Variants in AGPAT5 observed in about 807,000 individuals in gnomAD.
The protein encoded by AGPAT5 is 1-acyl-sn-glycerol-3-phosphate acyltransferase epsilon.
A neutral mutation model predicts 45.6 loss-of-function variants in AGPAT5; 46 were observed. The ratio of observed to expected loss-of-function variants is 1.01; its 90% CI spans 0.80 to 1.29. The LOEUF (loss-of-function observed/expected upper bound fraction) is 1.29, where lower values mean the gene tolerates loss of function less well. Ranked by LOEUF, AGPAT5 falls within the 50% of genes most tolerant of loss-of-function variation. The pLI, the probability that AGPAT5 is intolerant of heterozygous loss-of-function variation, is 0.00. For missense variants in AGPAT5, 673 were observed against 450.7 expected, an observed-to-expected ratio of 1.49 and a Z score of -4.47; for synonymous variants, 272 against 167.0, an observed-to-expected ratio of 1.63 and a Z score of -4.85.
intron 1 of AGPAT5, among the ~76,000 whole-genome samples, chr8:6,719,632 A>G (rs752591489): frequency 4.6e-5 from 7 of 152,214 alleles, no homozygotes; most frequent in Non-Finnish European, 1.0e-4. Context: ...AATCATCACT[A>G]TTACAGGACA....
At chr8:6,715,863 C>G (rs910597681) in intron 1 of AGPAT5, among the ~76,000 whole-genome samples, 2 of 152,016 alleles carry the variant, frequency 1.3e-5, no homozygotes, top group Non-Finnish European at 2.9e-5. Flanking sequence ...TTTGAACATG[C>G]GTAATTAACA....
rs114139983 is a variant in AGPAT5, at chr8:6,750,094, C to G, written c.745+2266C>G. Among the ~76,000 whole-genome samples, 264 of 152,330 alleles carry G rather than the reference C, an allele frequency of 1.7e-3. 1 individual carries two copies. Among genetic ancestry groups the G allele is most frequent in the African/African-American group, 6.2e-3 (257 of 41,568 alleles). On this transcript the variant is annotated intron_variant, in intron 6 of 7. Transcript: ENST00000285518. Reference sequence around the variant, plus strand: ...CACCCTCTCTTTTGTTGCCCTCATCCAAGGCTACTGTTCTCCCACAGTGAC... The same window carrying G: ...CACCCTCTCTTTTGTTGCCCTCATCGAAGGCTACTGTTCTCCCACAGTGAC...
At chr8:6,714,064 A>G (rs1310218239) in intron 1 of AGPAT5, among the ~76,000 whole-genome samples, 2 of 152,210 alleles carry the variant, frequency 1.3e-5, no homozygotes, top group African/African-American at 4.8e-5. Flanking sequence ...TAAGTCATCT[A>G]GTCTACTCCC....
In AGPAT5 at chr8:6,759,991, C is replaced by G. The variant is rs1030305121; in HGVS notation, c.*2603C>G. ...AAAGTGCCGATCTGGCTAACTCTTA[C>G]ACCATACATACTGATAGTTTTTCAT... On this transcript the variant is annotated 3_prime_UTR_variant, in exon 8 of 8. Coordinates refer to ENST00000285518, the MANE Select transcript of AGPAT5 (RefSeq NM_018361.5). Among the ~76,000 whole-genome samples the G allele has an allele frequency of 6.6e-6, 1 of 152,206 alleles. No homozygotes were observed. Among genetic ancestry groups the G allele is most frequent in the Admixed American group, 6.5e-5 (1 of 15,276 alleles).
chr8:6,760,621 T>TGGG lies in AGPAT5; in HGVS notation c.*3233_*3234insGGG, dbSNP rs1242357934. Among the ~76,000 whole-genome samples the TGGG allele has an allele frequency of 2.0e-5, 3 of 152,186 alleles. No individual in the cohort carries two copies. The highest frequency in any genetic ancestry group is 7.2e-5 in the African/African-American group (3 of 41,450). ...AGTGAAATATTTTCTTGGCAGATAT[T>TGGG]CCGTATCTGGTGGAAAGCTACAATG... is the stretch of plus-strand genomic sequence containing the variant. On this transcript the variant is annotated 3_prime_UTR_variant, in exon 8 of 8. Transcript: ENST00000285518.
At chr8:6,726,800 G>T (rs891885767) in intron 2 of AGPAT5, among the ~76,000 whole-genome samples, 2 of 152,164 alleles carry the variant, frequency 1.3e-5, no homozygotes, top group Admixed American at 1.3e-4. Context: ...TTGTATCACC[G>T]CTCTGGCACC....
intron 1 of AGPAT5, among the ~76,000 whole-genome samples, chr8:6,721,898 G>GCCAGGGC (rs1226228749): frequency 6.6e-6 from 1 of 152,032 alleles, no homozygotes; most frequent in Non-Finnish European, 1.5e-5. Flanking sequence ...TTGCTGTGTT[G>GCCAGGGC]CCAGGGCTGG....
intron 6 of AGPAT5, 111 bp downstream of exon 6, chr8:6,747,939 A>G (rs1189407156): frequency 1.9e-6 from 2 of 1,066,850 alleles, no homozygotes; most frequent in East Asian, 2.5e-5. Flanking sequence ...CCTTCATTAC[A>G]TTTACCCGGT....
chr8:6,761,276 T>C lies in AGPAT5; in HGVS notation c.*3888T>C, dbSNP rs768699375. On this transcript the variant is annotated 3_prime_UTR_variant, in exon 8 of 8. Transcript: ENST00000285518. ...GTTTTTCCATCCGGATTATTATTGG[T>C]TCATGATTTTATATGTGAATATGTA... Among the ~76,000 whole-genome samples the C allele has an allele frequency of 3.9e-5, 6 of 152,262 alleles. No individual in the cohort carries two copies. The highest frequency in any genetic ancestry group is 8.8e-5 in the Non-Finnish European group (6 of 68,036).
chr8:6,716,414 T>TA (rs1287410903), intron 1 of AGPAT5, among the ~76,000 whole-genome samples: 1 of 151,822 alleles, frequency 6.6e-6, no homozygotes, highest in East Asian at 1.9e-4. Context: ...TACAAACACT[T>TA]ACTGGGCATG....
chr8:6,739,510 A>T (rs534578807), intron 4 of AGPAT5, among the ~76,000 whole-genome samples: 67 of 152,204 alleles, frequency 4.4e-4, no homozygotes, highest in African/African-American at 1.4e-3. Context: ...TGCCAGATAT[A>T]TCCCTAAGAA....
In AGPAT5 at chr8:6,741,745, C is replaced by G. The variant is rs1225156330; in HGVS notation, c.580C>G (p.Gln194Glu). The G allele has an allele frequency of 6.2e-7, 1 of 1,609,750 alleles. No individual in the cohort carries two copies. Among genetic ancestry groups the G allele is most frequent in the Non-Finnish European group, 8.5e-7 (1 of 1,177,052 alleles). Residue 194 changes from glutamine to glutamate, a missense_variant, in exon 5 of 8, where the codon CAA (glutamine) becomes GAA (glutamate). By Grantham distance (29) the Gln-to-Glu change is conservative (BLOSUM62 2). Transcript: ENST00000285518. ...VLSASQAFAA[Q>E]RGLAVLKHVL... ...TTCAGCTAGTCAGGCATTTGCTGCC[C>G]AACGTGGTAAGTAAAAATTTGAGTG...
intron 3 of AGPAT5, among the ~76,000 whole-genome samples, chr8:6,731,156 C>T (rs557097081): frequency 5.3e-5 from 8 of 152,250 alleles, no homozygotes; most frequent in African/African-American, 1.9e-4. Context: ...CTGCCATACC[C>T]AACCCTATAA....
chr8:6,754,592 C>G (rs935860433), intron 6 of AGPAT5, among the ~76,000 whole-genome samples: 5 of 152,144 alleles, frequency 3.3e-5, no homozygotes, highest in Non-Finnish European at 7.3e-5. Context: ...CCAGCTTCCT[C>G]TCGGCCCCTG....
intron 5 of AGPAT5, chr8:6,745,225 A>G (rs1028157667): frequency 1.3e-5 from 2 of 154,542 alleles, no homozygotes; most frequent in African/African-American, 4.8e-5. Flanking sequence ...CTTCTTAGAC[A>G]TGGCAACGTC....
At position 6,758,918 on chromosome 8, in the gene AGPAT5, A is replaced by ATCT. The variant is rs1376084508; in HGVS notation, c.*1531_*1532insCTT. 3 of 152,794 alleles carry ATCT rather than the reference A, an allele frequency of 2.0e-5. No individual in the cohort carries two copies. The highest frequency in any genetic ancestry group is 7.2e-5 in the African/African-American group (3 of 41,584). 9.5% of individuals were successfully genotyped at this position (152,794 alleles called of 1,614,324 possible). A position where few individuals can be genotyped will look rare whatever the true frequency, so the allele number is the denominator to read the frequency against. On this transcript the variant is annotated 3_prime_UTR_variant, in exon 8 of 8. Transcript: ENST00000285518. ...TACCAGTTGGATCATGATAAGCAAA[A>ATCT]TGAAAGAAATAATGATTAAGGGAAA...
At chr8:6,727,571 G>T (rs1800730817) in intron 2 of AGPAT5, among the ~76,000 whole-genome samples, 1 of 152,074 alleles carries the variant, frequency 6.6e-6, no homozygotes, top group Non-Finnish European at 1.5e-5. Context: ...AGTAGAGATG[G>T]GGTTTCACCA....
At chr8:6,750,050 C>G (rs1050607686) in intron 6 of AGPAT5, among the ~76,000 whole-genome samples, 6 of 152,210 alleles carry the variant, frequency 3.9e-5, no homozygotes, top group Admixed American at 3.9e-4. Context: ...TGTGGCCAAT[C>G]CTGCTTTCCA....
At chr8:6,744,501 G>C (rs1801360667) in intron 5 of AGPAT5, among the ~76,000 whole-genome samples, 1 of 152,206 alleles carries the variant, frequency 6.6e-6, no homozygotes, top group African/African-American at 2.4e-5. Context: ...CAGGGCTGCA[G>C]TCCTTTGTGG....
Sources: gnomAD v4.1 joint callset for allele counts (sites outside exome capture counted in the v4.1 genomes callset) on GRCh38, gnomAD v4.1.1 for gene constraint, MANE v1.5 for transcripts, NCBI Gene and HGNC (gene_info 2026-07-23, HGNC 2026-07-21) for gene names.